The following ARFGEF1 variants were observed in gnomAD, a reference collection of about 807,000 sequenced individuals.
The protein encoded by ARFGEF1 is ARF guanine nucleotide exchange factor 1, also known as brefeldin A-inhibited guanine nucleotide-exchange protein 1.
In ARFGEF1, 42 loss-of-function variants were observed where a neutral mutation model predicts 231.0. The ratio of observed to expected loss-of-function variants is 0.18; its 90% CI spans 0.14 to 0.24. The LOEUF (loss-of-function observed/expected upper bound fraction) is 0.24, where lower values mean the gene tolerates loss of function less well. Among genes scored for constraint, ARFGEF1 ranks in the 10% least tolerant of loss-of-function variants. The pLI is 1.00. For missense variants in ARFGEF1, 1,345 were observed against 2,192.0 expected, an observed-to-expected ratio of 0.61 and a Z score of 7.72; for synonymous variants, 710 against 732.3, an observed-to-expected ratio of 0.97 and a Z score of 0.49.
chr8:67,283,647 G>A (rs1448813675), intron 7 of ARFGEF1, among the ~76,000 whole-genome samples: 2 of 151,966 alleles, frequency 1.3e-5, no homozygotes, highest in African/African-American at 2.4e-5. Context: ...GATTCTTAAG[G>A]GGAAAAGGAT....
At chr8:67,231,951 T>C (rs1839566790) in intron 23 of ARFGEF1, among the ~76,000 whole-genome samples, 2 of 151,568 alleles carry the variant, frequency 1.3e-5, no homozygotes, top group Admixed American at 1.3e-4. Context: ...AATAGGCAAA[T>C]GACTCTCCTC....
At chr8:67,242,492 C>T (rs1238262796) in intron 19 of ARFGEF1, among the ~76,000 whole-genome samples, 2 of 152,070 alleles carry the variant, frequency 1.3e-5, no homozygotes, top group East Asian at 3.9e-4. Context: ...TGGCCCAGTC[C>T]TCACAGGATC....
intron 32 of ARFGEF1, among the ~76,000 whole-genome samples, chr8:67,217,030 C>T (rs1482114858): frequency 2.0e-5 from 3 of 151,398 alleles, no homozygotes; most frequent in East Asian, 1.9e-4. Flanking sequence ...ATTGGCCAGG[C>T]GCGGTGGCTC....
chr8:67,302,905 T>TAAAAAAAAAAAAAAAAAAAAAA (rs1563902346), intron 1 of ARFGEF1, among the ~76,000 whole-genome samples: 1 of 100,234 alleles, frequency 1.0e-5, no homozygotes, highest in African/African-American at 3.9e-5. Flanking sequence ...ACCCCATCTC[T>TAAAAAAAAAAAAAAAAAAAAAA]TAAAAAAAAA....
At chr8:67,312,512 TCAGATGAAGGATAA>T (rs1807120562) in intron 1 of ARFGEF1, among the ~76,000 whole-genome samples, 1 of 152,034 alleles carries the variant, frequency 6.6e-6, no homozygotes, top group Non-Finnish European at 1.5e-5. Context: ...CAAGATCTTC[TCAGATGAAGGATAA>T]CAAAAAAAAC....
chr8:67,232,973 A>T, intron 22 of ARFGEF1, 28 bp from the exon 23 acceptor site: 1 of 1,546,094 alleles, frequency 6.5e-7, no homozygotes, highest in Non-Finnish European at 8.9e-7. Context: ...AAGTCATTTC[A>T]GTTTGAAAAT....
rs1377917195 is a variant in ARFGEF1 at position 67,190,835 on chromosome 8, T to C, written c.560+9561A>G. The C allele has an allele frequency of 2.3e-5, 24 of 1,045,142 alleles. No individual in the cohort carries two copies. In the Admixed American group the frequency reaches 4.0e-4, roughly 18 times the overall value. The allele number at this position is 1,045,142 out of a possible 1,614,324, so 64.7% of individuals were successfully genotyped here. On this transcript the variant is annotated intron_variant, in intron 5 of 5. Coordinates refer to the ARFGEF1 transcript ENST00000518789. The stretch of plus-strand genomic sequence containing the variant: ...TGGGTTCTGACCTGTGCTAAATCTG[T>C]GTGGCCCAATAAAGAGCACTTGCTT...
In ARFGEF1 at chr8:67,198,456, A is replaced by C. The variant is rs913007671; in HGVS notation, c.*478T>G. The C allele has an allele frequency of 2.0e-6, 2 of 987,058 alleles. No individual in the cohort carries two copies. Among genetic ancestry groups the C allele is most frequent in the Admixed American group, 6.1e-5 (1 of 16,364 alleles). 61.1% of individuals were successfully genotyped at this position (987,058 alleles called of 1,614,324 possible). On this transcript the variant is annotated 3_prime_UTR_variant, in exon 39 of 39. Coordinates refer to ENST00000262215, the MANE Select transcript of ARFGEF1 (RefSeq NM_006421.5). ...TCTCAGATAGCCTGAGTGTGCAAAA[A>C]TCTTCAGAATAAGAATACCATAGTT...
intron 23 of ARFGEF1, among the ~76,000 whole-genome samples, chr8:67,229,379 G>C (rs1253512021): frequency 6.6e-6 from 1 of 151,920 alleles, no homozygotes; most frequent in East Asian, 1.9e-4. Flanking sequence ...TAAATGTTCT[G>C]AGTATATCAT....
At chr8:67,328,636 T>C (rs929459763) in intron 1 of ARFGEF1, among the ~76,000 whole-genome samples, 1 of 152,202 alleles carries the variant, frequency 6.6e-6, no homozygotes, top group Non-Finnish European at 1.5e-5. Flanking sequence ...CTTCCACCTA[T>C]CACTGTTCTA....
chr8:67,240,695 T>C (rs16933197), intron 19 of ARFGEF1, among the ~76,000 whole-genome samples: 163 of 152,288 alleles, frequency 1.1e-3, no homozygotes, highest in African/African-American at 3.6e-3. Context: ...CAAACAACAT[T>C]ATTATCTTTT....
intron 33 of ARFGEF1, among the ~76,000 whole-genome samples, chr8:67,214,510 T>G (rs947892499): frequency 5.9e-5 from 9 of 152,208 alleles, no homozygotes; most frequent in Non-Finnish European, 1.2e-4. Flanking sequence ...CCTATCGAGA[T>G]TGAAAACGAT....
At chr8:67,282,657 C>T (rs1454469739) in intron 7 of ARFGEF1, among the ~76,000 whole-genome samples, 1 of 151,780 alleles carries the variant, frequency 6.6e-6, no homozygotes. Flanking sequence ...ACCAGCCTGG[C>T]CAACATGGTA....
At chr8:67,271,291 A>G (rs545017969) in intron 10 of ARFGEF1, among the ~76,000 whole-genome samples, 1 of 152,264 alleles carries the variant, frequency 6.6e-6, no homozygotes, top group South Asian at 2.1e-4. Context: ...CCTCAATCAC[A>G]TCTTTTAAAA....
At chr8:67,181,038 T>G (rs567330041) in intron 5 of ARFGEF1, among the ~76,000 whole-genome samples, 23 of 152,132 alleles carry the variant, frequency 1.5e-4, no homozygotes, top group African/African-American at 3.9e-4. Flanking sequence ...TGGTTTTTTT[T>G]TTGTTGTTGC....
In ARFGEF1 at chr8:67,259,940, A is replaced by G; in HGVS notation, c.2124-14T>C. ...TTCTTATTAAATCTAGATGATGTTA[A>G]ATAAGAACATTAAAAATAGAAAACC... is the stretch of plus-strand genomic sequence containing the variant. On this transcript the variant is annotated splice_polypyrimidine_tract_variant and intron_variant, in intron 14 of 38. Transcript: ENST00000262215. 1.3e-6 allele frequency: 2 copies of G among 1,527,762 alleles called. No homozygotes were observed. Among genetic ancestry groups the G allele is most frequent in the Non-Finnish European group, 1.8e-6 (2 of 1,117,150 alleles). The allele number at this position is 1,527,762 out of a possible 1,614,324, so 94.6% of individuals were successfully genotyped here.
In ARFGEF1 at chr8:67,310,509, C is replaced by A. The variant is rs185210648; in HGVS notation, c.125-8043G>T. ...AAGTGCCGAGATTGGAGCCTCTGCC[C>A]GGCCACCACCCCATCTGGGAAGTGA... is the stretch of plus-strand genomic sequence containing the variant. On this transcript the variant is annotated intron_variant, in intron 1 of 38. Transcript: ENST00000262215. Among the ~76,000 whole-genome samples, 6 of 152,318 alleles carry A rather than the reference C, an allele frequency of 3.9e-5. No homozygotes were observed. In the South Asian group the frequency reaches 1.2e-3, roughly 32 times the overall value.
At chr8:67,342,583 TA>T (rs1808690863) in intron 1 of ARFGEF1, among the ~76,000 whole-genome samples, 1 of 152,134 alleles carries the variant, frequency 6.6e-6, no homozygotes, top group Non-Finnish European at 1.5e-5. Context: ...CCCAGTCAGA[TA>T]CAATATTACT....
Position 67,261,359 on chromosome 8 carries a change from A to G in ARFGEF1, c.2124-1433T>C, listed in dbSNP as rs190883007. 2.3e-4 allele frequency among the ~76,000 whole-genome samples: 35 copies of G among 152,322 alleles called. 1 individual carries two copies. Among genetic ancestry groups the G allele is most frequent in the African/African-American group, 6.5e-4 (27 of 41,570 alleles). On this transcript the variant is annotated intron_variant, in intron 14 of 38. Transcript: ENST00000262215. ...AATGTAGCTGATGATATTAACTTGA[A>G]GCCAATGCTCATTTACCATTCCAAA...
Sources: allele counts gnomAD v4.1 joint callset (sites outside exome capture counted in the v4.1 genomes callset), GRCh38; gene constraint gnomAD v4.1.1; transcripts MANE v1.5; gene names NCBI Gene and HGNC (gene_info 2026-07-23, HGNC 2026-07-21).